Variants in CCZ1 observed in about 807,000 individuals in gnomAD.
The protein encoded by CCZ1 is vacuolar fusion protein CCZ1 homolog.
Under a neutral mutation model 57.8 loss-of-function variants are expected in CCZ1, and 19 were observed. The observed-to-expected ratio is 0.33, with a 90% CI of 0.23 to 0.48. The LOEUF is 0.48. CCZ1 is among the 20% of genes least tolerant of loss of function. The pLI is 0.99. For synonymous variants in CCZ1, 81 were observed against 167.0 expected (o/e 0.49, Z 3.97); for missense variants, 200 against 492.0 (o/e 0.41, Z 5.61).
In CCZ1 at chr7:5,914,455, A is replaced by C. The variant is rs1289514911; in HGVS notation, c.954+1501A>C. Among the ~76,000 whole-genome samples, 2 of 148,754 alleles carry C rather than the reference A, an allele frequency of 1.3e-5. 1 individual carries two copies. Among genetic ancestry groups the C allele is most frequent in the African/African-American group, 5.0e-5 (2 of 40,160 alleles). On this transcript the variant is annotated intron_variant, in intron 10 of 14. Coordinates refer to ENST00000325974, the MANE Select transcript of CCZ1 (RefSeq NM_015622.6). ...TCTCAAAAATAATGAAACTGGTATCAACAGTTTCATATCCAGCACCAGACA... is the reference window on the plus strand; with the variant it reads ...TCTCAAAAATAATGAAACTGGTATCCACAGTTTCATATCCAGCACCAGACA...
chr7:5,899,334 G>GGGGTGTGTGTGTGTGTGT (rs1781626415), intron 1 of CCZ1, among the ~76,000 whole-genome samples: 2 of 12,558 alleles, frequency 1.6e-4, no homozygotes, highest in Non-Finnish European at 3.7e-4. Flanking sequence ...TCGGGAGGGG[G>GGGGTGTGTGTGTGTGTGT]GTGTGTGTGT....
intron 6 of CCZ1, among the ~76,000 whole-genome samples, chr7:5,902,997 C>T (rs1470366377): frequency 1.3e-5 from 2 of 148,242 alleles, no homozygotes; most frequent in African/African-American, 5.0e-5. Context: ...GTCCTGGAGA[C>T]ATCGTTTGGC....
rs1208961161 is a variant in CCZ1 at position 5,925,851 on chromosome 7, T to C, written c.*164T>C. 1.0e-6 allele frequency: 1 copy of C among 974,298 alleles called. No homozygotes were observed. Among genetic ancestry groups the C allele is most frequent in the Non-Finnish European group, 1.6e-6 (1 of 625,176 alleles). The allele number at this position is 974,298 out of a possible 1,614,324, so 60.4% of individuals were successfully genotyped here. ...GGTCTGCTGATCTGAGGTTTTTAGA[T>C]TTTAAATATTTATGTGGAATTAATT... On this transcript the variant is annotated 3_prime_UTR_variant, in exon 15 of 15. Coordinates refer to ENST00000325974, the MANE Select transcript of CCZ1 (RefSeq NM_015622.6).
intron 8 of CCZ1, 114 bp downstream of exon 8, chr7:5,910,230 C>G: frequency 9.4e-6 from 9 of 958,682 alleles, no homozygotes; most frequent in Non-Finnish European, 1.6e-6. Flanking sequence ...TATGTTTTGT[C>G]TTACTGTGAT....
Position 5,908,100 on chromosome 7 carries a change from CCTGT to C in CCZ1, c.699-1932_699-1929del, listed in dbSNP as rs1016600635. ...TCCAGCCTGGGTGACAGAGCAAGAC[CCTGT>C]CTAAGAAAAAGAAAAACAGCACGTT... is the stretch of plus-strand genomic sequence containing the variant. On this transcript the variant is annotated intron_variant, in intron 7 of 14. Transcript: ENST00000325974. 1.4e-5 allele frequency among the ~76,000 whole-genome samples: 2 copies of C among 141,082 alleles called. 1 individual carries two copies. The highest frequency in any genetic ancestry group is 5.4e-5 in the African/African-American group (2 of 37,190). 92.6% of individuals were successfully genotyped at this position (141,082 alleles called of 152,430 possible).
chr7:5,920,469 G>GATTTTTTTTT (rs1562546070), intron 12 of CCZ1, among the ~76,000 whole-genome samples: 2 of 22,142 alleles, frequency 9.0e-5, no homozygotes, highest in African/African-American at 6.3e-4. Flanking sequence ...TTTCTCCCTG[G>GATTTTTTTTT]CTTTTTTTTT....
At chr7:5,902,510 T>G in intron 5 of CCZ1, 151 bp from the exon 6 acceptor site, 1 of 1,317,080 alleles carries the variant, frequency 7.6e-7, no homozygotes, top group Non-Finnish European at 9.8e-7. Flanking sequence ...CATTTTTAAC[T>G]CAAGTTTTCT....
rs1781721402 is a variant in CCZ1, at chr7:5,903,055, C to T, written c.522+311C>T. On this transcript the variant is annotated intron_variant, in intron 6 of 14. Transcript: ENST00000325974. ...TGTCCTTCTGGGCTTACTCAGCAGC[C>T]ATCTTTTGTGTGATAGATTAGTTGA... 1.3e-5 allele frequency among the ~76,000 whole-genome samples: 2 copies of T among 148,284 alleles called. 1 individual carries two copies. The highest frequency in any genetic ancestry group is 4.5e-4 in the South Asian group (2 of 4,440).
At chr7:5,906,598 C>T (rs1198000382) in intron 7 of CCZ1, among the ~76,000 whole-genome samples, 2 of 148,778 alleles carry the variant, frequency 1.3e-5, no homozygotes, top group Non-Finnish European at 3.0e-5. Flanking sequence ...GCCTCGATTA[C>T]AGGTGTGAGC....
chr7:5,907,213 G>C (rs1374941083), intron 7 of CCZ1, among the ~76,000 whole-genome samples: 1 of 149,592 alleles, frequency 6.7e-6, no homozygotes, highest in Non-Finnish European at 1.5e-5. Context: ...ACACTGTACT[G>C]ACTCAGCTAT....
At chr7:5,908,836 G>A (rs1235165278) in intron 7 of CCZ1, among the ~76,000 whole-genome samples, 4 of 145,346 alleles carry the variant, frequency 2.8e-5, no homozygotes, top group Middle Eastern at 3.5e-3. Flanking sequence ...CAGATCAGGT[G>A]GTTTGCCTGA....
At chr7:5,911,011 C>T (rs1434485920) in intron 8 of CCZ1, among the ~76,000 whole-genome samples, 1 of 148,708 alleles carries the variant, frequency 6.7e-6, no homozygotes, top group Non-Finnish European at 1.5e-5. Flanking sequence ...GCTGGGATTA[C>T]AGGCGTGAGC....
At chr7:5,912,485 C>T (rs1329139874) in intron 9 of CCZ1, among the ~76,000 whole-genome samples, 1 of 131,868 alleles carries the variant, frequency 7.6e-6, no homozygotes, top group African/African-American at 2.9e-5. Flanking sequence ...CTGCAGCCTC[C>T]ATCTCCTAGG....
intron 10 of CCZ1, among the ~76,000 whole-genome samples, chr7:5,916,715 C>G (rs1475021796): frequency 4.8e-5 from 7 of 147,086 alleles, no homozygotes; most frequent in African/African-American, 1.6e-4. Flanking sequence ...GCCACAGAGA[C>G]ACAGCTGGCC....
In CCZ1 at chr7:5,902,095, A is replaced by T. The variant is rs141068226; in HGVS notation, c.438+391A>T. On this transcript the variant is annotated intron_variant, in intron 5 of 14. Transcript: ENST00000325974. ...GATTGCTTGAGCCCAGGAGTTCAGG[A>T]CCAGTCTGGGCAATATAGCAAGAAC... The T allele has an allele frequency of 1.4e-3, 298 of 214,358 alleles. 1 individual carries two copies. The highest frequency in any genetic ancestry group is 6.7e-3 in the African/African-American group (290 of 43,192). The allele number at this position is 214,358 out of a possible 1,614,324, so 13.3% of individuals were successfully genotyped here. A position where few individuals can be genotyped will look rare whatever the true frequency, so the allele number is the denominator to read the frequency against.
intron 8 of CCZ1, 119 bp downstream of exon 8, chr7:5,910,235 T>G (rs886108310): frequency 3.2e-5 from 28 of 888,148 alleles, no homozygotes; most frequent in Non-Finnish European, 3.9e-5. Flanking sequence ...TTTGTCTTAC[T>G]GTGATATTTG....
intron 7 of CCZ1, among the ~76,000 whole-genome samples, chr7:5,907,267 TCTG>T (rs1280713727): frequency 6.7e-6 from 1 of 149,478 alleles, no homozygotes; most frequent in Non-Finnish European, 1.5e-5. Context: ...AAAGTGAAAT[TCTG>T]CTGTGAAATG....
intron 1 of CCZ1, among the ~76,000 whole-genome samples, chr7:5,899,448 A>T (rs1224106696): frequency 7.0e-6 from 1 of 141,892 alleles, no homozygotes; most frequent in Non-Finnish European, 1.6e-5. Context: ...TGTTTCCAGC[A>T]AGTCAGACTT....
chr7:5,916,498 G>GTTTTTTTT (rs764065119), intron 10 of CCZ1, among the ~76,000 whole-genome samples: 1 of 110,964 alleles, frequency 9.0e-6, no homozygotes, highest in Non-Finnish European at 1.9e-5. Context: ...TTTTTGTTTT[G>GTTTTTTTT]TTTTTTGTTT....
Sources: gnomAD v4.1 joint callset for allele counts (sites outside exome capture counted in the v4.1 genomes callset) on GRCh38, gnomAD v4.1.1 for gene constraint, MANE v1.5 for transcripts, NCBI Gene and HGNC (gene_info 2026-07-23, HGNC 2026-07-21) for gene names.